Variants in AHRR observed in about 807,000 individuals in gnomAD.
AHRR encodes the protein aryl hydrocarbon receptor repressor, also known as ahR repressor.
In AHRR, 28 loss-of-function variants were observed where a neutral mutation model predicts 44.0. That is an observed-to-expected ratio of 0.64 (90% confidence interval 0.47 to 0.87). The LOEUF is 0.87. Ranked by LOEUF, AHRR falls within the 40% of genes least tolerant of loss-of-function variation. The pLI, the probability that AHRR is intolerant of heterozygous loss-of-function variation, is 0.00. For missense variants in AHRR, 990 were observed against 953.9 expected (o/e 1.04, Z -0.50); for synonymous variants, 434 against 407.0 (o/e 1.07, Z -0.80).
intron 4 of AHRR, among the ~76,000 whole-genome samples, chr5:384,704 C>T (rs943535070): frequency 1.2e-4 from 18 of 152,036 alleles, no homozygotes; most frequent in East Asian, 5.8e-4. Context: ...TTACAGCCAC[C>T]GCACCCGGCC....
At chr5:344,107 G>A (rs1479910111) in intron 2 of AHRR, 143 bp downstream of exon 2, 2 of 812,364 alleles carry the variant, frequency 2.5e-6, no homozygotes, top group Non-Finnish European at 1.8e-6. Flanking sequence ...GAGCTCCGGC[G>A]CGGGCGGCGC....
chr5:398,674 C>G (rs144200626), intron 4 of AHRR, among the ~76,000 whole-genome samples: 3 of 152,332 alleles, frequency 2.0e-5, no homozygotes, highest in African/African-American at 7.2e-5. Flanking sequence ...GCCCCACCCC[C>G]CTTGGCTGTT....
chr5:397,020 C>T (rs1734737302), intron 4 of AHRR, among the ~76,000 whole-genome samples: 1 of 150,516 alleles, frequency 6.6e-6, no homozygotes. Context: ...TAGCCCCTGA[C>T]CATCCATGTA....
At chr5:361,121 C>T (rs140003009) in intron 3 of AHRR, among the ~76,000 whole-genome samples, 2,423 of 152,216 alleles carry the variant, frequency 0.016, 56 homozygotes, top group African/African-American at 0.051. Flanking sequence ...TGGTGGTGGG[C>T]GTCTGTAATC....
At chr5:333,646 T>G (rs547609543) in intron 1 of AHRR, among the ~76,000 whole-genome samples, 1 of 152,306 alleles carries the variant, frequency 6.6e-6, no homozygotes, top group South Asian at 2.1e-4. Flanking sequence ...CCTTCAAGGT[T>G]AATATTGGTA....
At chr5:394,941 G>A (rs191045401) in intron 4 of AHRR, among the ~76,000 whole-genome samples, 13 of 152,344 alleles carry the variant, frequency 8.5e-5, no homozygotes, top group Admixed American at 5.9e-4. Flanking sequence ...CGGTGCGGCC[G>A]TGTCAAGCTC....
intron 4 of AHRR, among the ~76,000 whole-genome samples, chr5:389,623 A>G (rs1412421776): frequency 6.6e-6 from 1 of 151,882 alleles, no homozygotes; most frequent in Non-Finnish European, 1.5e-5. Flanking sequence ...CTGGACACCG[A>G]GCCCGGGCCC....
intron 4 of AHRR, among the ~76,000 whole-genome samples, chr5:377,023 G>A (rs1025510813): frequency 3.3e-5 from 5 of 152,114 alleles, no homozygotes; most frequent in Admixed American, 6.5e-5. Flanking sequence ...TTTGCTTGTC[G>A]GTGAGAGAAC....
chr5:435,851 C>T lies in AHRR; in HGVS notation c.*1017C>T, dbSNP rs370622650. ...AATAGCATTAAAACAGTTGTAAAGG[C>T]GATATTTTCTGAGAGTAGGAAATTT... On this transcript the variant is annotated 3_prime_UTR_variant, in exon 11 of 11. Coordinates refer to ENST00000684583, the MANE Select transcript of AHRR (RefSeq NM_001377236.1). The T allele has an allele frequency of 2.0e-5, 3 of 152,612 alleles. No individual in the cohort carries two copies. The highest frequency in any genetic ancestry group is 4.8e-5 in the African/African-American group (2 of 41,378). 9.5% of individuals were successfully genotyped at this position (152,612 alleles called of 1,614,324 possible).
chr5:342,575 C>T lies in AHRR; in HGVS notation c.-10-1318C>T, dbSNP rs1313343898. Among the ~76,000 whole-genome samples, 1 of 152,210 alleles carries T rather than the reference C, an allele frequency of 6.6e-6. No individual in the cohort carries two copies. Among genetic ancestry groups the T allele is most frequent in the African/African-American group, 2.4e-5 (1 of 41,450 alleles). ...AAGTGGATCCATGACACATTTCTGA[C>T]ATTTTTATGGCACTTTCCACACAAG... is the stretch of plus-strand genomic sequence containing the variant. On this transcript the variant is annotated intron_variant, in intron 1 of 10. Transcript: ENST00000684583. This position sits in a 1 kb window ranked among gnomAD's most constrained non-coding sequence, Gnocchi z 4.3.
intron 5 of AHRR, among the ~76,000 whole-genome samples, chr5:420,262 A>C (rs1736010637): frequency 6.6e-6 from 1 of 152,262 alleles, no homozygotes; most frequent in South Asian, 2.1e-4. Context: ...CTGTTTTCAT[A>C]GAACAGGATG....
intron 1 of AHRR, 120 bp from the exon 2 acceptor site, chr5:343,773 G>A: frequency 1.0e-6 from 1 of 975,148 alleles, no homozygotes; most frequent in Non-Finnish European, 1.5e-6. Context: ...CAGGAGGTGG[G>A]GGCCTCGCGG....
At chr5:376,342 T>C (rs1032532883) in intron 3 of AHRR, among the ~76,000 whole-genome samples, 1 of 152,076 alleles carries the variant, frequency 6.6e-6, no homozygotes, top group Non-Finnish European at 1.5e-5. Flanking sequence ...TGTGGGGGCG[T>C]CCTCAGGCCA....
At chr5:413,934 C>G (rs1257685658) in intron 5 of AHRR, among the ~76,000 whole-genome samples, 1 of 152,224 alleles carries the variant, frequency 6.6e-6, no homozygotes, top group East Asian at 1.9e-4. Flanking sequence ...GATACCAAGC[C>G]CTGGAAGGGC....
At chr5:394,791 G>C (rs1426894360) in intron 4 of AHRR, among the ~76,000 whole-genome samples, 1 of 152,252 alleles carries the variant, frequency 6.6e-6, no homozygotes, top group African/African-American at 2.4e-5. Flanking sequence ...AGGGCAGAGG[G>C]GAGGGCAGGT....
intron 4 of AHRR, among the ~76,000 whole-genome samples, chr5:400,922 G>T (rs963526476): frequency 6.6e-6 from 1 of 152,204 alleles, no homozygotes; most frequent in Non-Finnish European, 1.5e-5. Context: ...AAAAGCTGTG[G>T]CAGGAGCCGG....
chr5:343,052 G>T (rs1322162860), intron 1 of AHRR, among the ~76,000 whole-genome samples: 1 of 152,232 alleles, frequency 6.6e-6, no homozygotes, highest in African/African-American at 2.4e-5. Flanking sequence ...ATCAAGGGCA[G>T]AGATGAGAAG....
At chr5:425,767 A>C (rs573249223) in intron 7 of AHRR, among the ~76,000 whole-genome samples, 1 of 152,346 alleles carries the variant, frequency 6.6e-6, no homozygotes, top group South Asian at 2.1e-4. Flanking sequence ...AAATATTGCA[A>C]TAAGGTTTAC....
rs886492935 is a variant in AHRR, at chr5:406,089, G to GA, written c.352-7246dup. 5.3e-5 allele frequency among the ~76,000 whole-genome samples: 8 copies of GA among 151,440 alleles called. No homozygotes were observed. Among genetic ancestry groups the GA allele is most frequent in the South Asian group, 4.2e-4 (2 of 4,794 alleles). Reference sequence around the variant, plus strand: ...AAATTCTGCAACAAAATTAACTGGGGAAAAAAAAACTAGGGAGAAAACGGG... The same window carrying GA: ...AAATTCTGCAACAAAATTAACTGGGGAAAAAAAAAACTAGGGAGAAAACGGG... On this transcript the variant is annotated intron_variant, in intron 4 of 10. Transcript: ENST00000684583. The surrounding 1 kb of genome is among the most constrained non-coding windows in gnomAD (Gnocchi z 4.7).
Sources: allele counts gnomAD v4.1 joint callset (sites outside exome capture counted in the v4.1 genomes callset), GRCh38; gene constraint gnomAD v4.1.1; non-coding constraint Gnocchi (gnomAD v3.1); transcripts MANE v1.5; gene names NCBI Gene and HGNC (gene_info 2026-07-23, HGNC 2026-07-21).